Variants in TAS2R8 observed in about 807,000 individuals in gnomAD.
TAS2R8 encodes the protein taste receptor type 2 member 8.
For missense variants in TAS2R8, 396 were observed against 358.1 expected (o/e 1.11, Z -0.85); for synonymous variants, 139 against 123.9 (o/e 1.12, Z -0.81).
rs1247445803 is a variant in TAS2R8 at position 10,806,356 on chromosome 12, A to G, written c.625T>C (p.Trp209Arg). ...ISFFLLVRSL[W>R]RHTKQIKLYA... ...AGTTTTATTTGCTTGGTATGTCTCC[A>G]TAAAGATCTTACTAAAAGGAAAAAT... The change falls in exon 1 of 1, where the codon TGG (tryptophan) becomes CGG (arginine). Residue 209 changes from tryptophan to arginine, a missense_variant. Transcript: ENST00000240615. The G allele has an allele frequency of 6.2e-7, 1 of 1,613,808 alleles. No individual in the cohort carries two copies. Among genetic ancestry groups the G allele is most frequent in the Non-Finnish European group, 8.5e-7 (1 of 1,179,912 alleles).
chr12:10,807,266 C>T lies in TAS2R8; in HGVS notation c.-286G>A. On this transcript the variant is annotated 5_prime_UTR_variant, in exon 1 of 1. Coordinates refer to ENST00000240615, the MANE Select transcript of TAS2R8 (RefSeq NM_023918.3). ...AGTGAGTGATACCTGAAATGTTTGG[C>T]TGAAATTGCTCCCATGCAAATTCAA... is the stretch of plus-strand genomic sequence containing the variant. The T allele has an allele frequency of 3.3e-6, 1 of 298,770 alleles. No individual in the cohort carries two copies. The highest frequency in any genetic ancestry group is 4.7e-5 in the Admixed American group (1 of 21,204). The allele number at this position is 298,770 out of a possible 1,614,324, so 18.5% of individuals were successfully genotyped here.
At position 10,806,051 on chromosome 12, in the gene TAS2R8, T is replaced by C. The variant is rs754737046; in HGVS notation, c.930A>G (p.Ter310TrpextTer?). 1.8e-5 allele frequency: 28 copies of C among 1,583,236 alleles called. No homozygotes were observed. The East Asian group carries it at 2.0e-4, about 11-fold the overall frequency. Residue 310 changes from the stop codon to tryptophan, a stop_lost, in exon 1 of 1, where the codon TGA (stop) becomes TGG (tryptophan). Coordinates refer to ENST00000240615, the MANE Select transcript of TAS2R8 (RefSeq NM_023918.3). ...AAATTCCATTTATACAGCTAAGATT[T>C]CATATCATGCAGGCAATTTTTCTAC... is the stretch of plus-strand genomic sequence containing the variant. ...LTCRKIACMI[*>W] is the part of the protein sequence containing the mutation.
chr12:10,806,398 T>A lies in TAS2R8; in HGVS notation c.583A>T (p.Ile195Phe). ...AGGAAAAATGATATCAGTGACACAA[T>A]AAATGGGACAATTGCAAACAGGTTA... ...LFNLFAIVPF[I>F]VSLISFFLLV... The change falls in exon 1 of 1, where the codon ATT becomes TTT. Residue 195 changes from isoleucine (I) to phenylalanine (F), a missense_variant. By Grantham distance (21) the Ile-to-Phe change is conservative. Coordinates refer to ENST00000240615, the MANE Select transcript of TAS2R8 (RefSeq NM_023918.3). 6.2e-7 allele frequency: 1 copy of A among 1,613,792 alleles called. No individual in the cohort carries two copies. Among genetic ancestry groups the A allele is most frequent in the Non-Finnish European group, 8.5e-7 (1 of 1,179,886 alleles).
chr12:10,807,142 C>G lies in TAS2R8; in HGVS notation c.-162G>C, dbSNP rs535935816. 1.6e-6 allele frequency: 1 copy of G among 629,234 alleles called. No individual in the cohort carries two copies. Among genetic ancestry groups the G allele is most frequent in the Non-Finnish European group, 2.7e-6 (1 of 374,460 alleles). The allele number at this position is 629,234 out of a possible 1,614,324, so 39.0% of individuals were successfully genotyped here. On this transcript the variant is annotated 5_prime_UTR_variant, in exon 1 of 1. Transcript: ENST00000240615. ...TCTTCCGGAAGTGTTCAGCTCTCCT[C>G]TGAAATAGGATTGTCTCTACACTCC... is the stretch of plus-strand genomic sequence containing the variant.
Position 10,806,105 on chromosome 12 carries a change from C to T in TAS2R8, c.876G>A (p.Leu292=). 6.2e-7 allele frequency: 1 copy of T among 1,609,628 alleles called. No homozygotes were observed. The highest frequency in any genetic ancestry group is 1.1e-5 in the South Asian group (1 of 89,684). The change falls in exon 1 of 1, where the codon CTG becomes CTA. Residue 292 remains leucine (L), a synonymous_variant. Coordinates refer to ENST00000240615, the MANE Select transcript of TAS2R8 (RefSeq NM_023918.3). ...SLILIVLNNK[L]RQTFVRMLTC... ...TCAGCATTCTGACAAATGTCTGCCT[C>T]AGTTTATTATTTAAAACAATTAAAA...
rs1228297458 is a variant in TAS2R8, at chr12:10,806,576, C to T, written c.405G>A (p.Leu135=). ...CCAACAAGGAAATGGCAAAGCATCC[C>T]AGCAGGATCCAGTGCACCACCATAT... ...KIDMVVHWIL[L]GCFAISLLVS... is the part of the protein sequence containing the mutation. Residue 135 remains leucine, a synonymous_variant, in exon 1 of 1, where the codon CTG becomes CTA. Transcript: ENST00000240615. The T allele has an allele frequency of 1.2e-6, 2 of 1,613,848 alleles. No individual in the cohort carries two copies. Among genetic ancestry groups the T allele is most frequent in the African/African-American group, 2.7e-5 (2 of 75,028 alleles).
rs1948727602 is a variant in TAS2R8 at position 10,806,692 on chromosome 12, T to C, written c.289A>G (p.Met97Val). 1 of 1,613,962 alleles carries C rather than the reference T, an allele frequency of 6.2e-7. No homozygotes were observed. The highest frequency in any genetic ancestry group is 2.2e-5 in the East Asian group (1 of 44,864). ...TFWTFANYLN[M>V]WITTCLNVFY... is the part of the protein sequence containing the mutation. The stretch of plus-strand genomic sequence containing the variant: ...ACATTAAGGCAGGTGGTAATCCACA[T>C]ATTTAAGTAGTTGGCAAATGTCCAG... Residue 97 changes from methionine to valine, a missense_variant, in exon 1 of 1, where the codon ATG (methionine) becomes GTG (valine). Transcript: ENST00000240615.
Position 10,806,970 on chromosome 12 carries a change from G to C in TAS2R8, c.11C>G (p.Pro4Arg). Residue 4 changes from proline (P) to arginine (R), a missense_variant, in exon 1 of 1, where the codon CCT (proline) becomes CGT (arginine). Transcript: ENST00000240615. MFS[P>R]ADNIFIILIT... ...TAGGATTATAAAGATGTTATCTGCA[G>C]GACTGAACATGTTTGTAGAGAGAAC... is the stretch of plus-strand genomic sequence containing the variant. 6.2e-7 allele frequency: 1 copy of C among 1,601,754 alleles called. No individual in the cohort carries two copies. The highest frequency in any genetic ancestry group is 1.7e-5 in the Admixed American group (1 of 58,928).
At position 10,806,216 on chromosome 12, in the gene TAS2R8, G is replaced by C. The variant is rs138065845; in HGVS notation, c.765C>G (p.Thr255=). The C allele has an allele frequency of 5.2e-4, 833 of 1,613,278 alleles. 1 individual carries two copies. The African/African-American group carries it at 9.8e-3, about 19-fold the overall frequency. ...FLYYISSILM[T]FSYLMTKYKL... ...TGTATTTTGTCATAAGATAGCTAAA[G>C]GTCATCAAAATAGAAGAAATATAGT... is the stretch of plus-strand genomic sequence containing the variant. Residue 255 remains threonine (T), a synonymous_variant, in exon 1 of 1, where the codon ACC becomes ACG. Coordinates refer to ENST00000240615, the MANE Select transcript of TAS2R8 (RefSeq NM_023918.3).
At chr12:10,806,473 CAGTA>C in the TAS2R8 span, 1 of 1,613,740 alleles carries the variant, frequency 6.2e-7, no homozygotes, top group South Asian at 1.1e-5. Context: ...TGGAACATTT[CAGTA>C]ATGTTTCTTT....
Position 10,806,386 on chromosome 12 carries a change from T to C in TAS2R8, c.595A>G (p.Ile199Val). 1.2e-6 allele frequency: 2 copies of C among 1,613,840 alleles called. No homozygotes were observed. The highest frequency in any genetic ancestry group is 1.7e-6 in the Non-Finnish European group (2 of 1,179,910). The change falls in exon 1 of 1, where the codon ATA (isoleucine) becomes GTA (valine). Residue 199 changes from isoleucine (I) to valine (V), a missense_variant. Physicochemically the swap from Ile to Val is conservative, Grantham distance 29. Coordinates refer to ENST00000240615, the MANE Select transcript of TAS2R8 (RefSeq NM_023918.3). ...FAIVPFIVSLISFFLLVRSLW... is the reference protein window; with the variant it reads ...FAIVPFIVSLVSFFLLVRSLW... ...GATCTTACTAAAAGGAAAAATGATA[T>C]CAGTGACACAATAAATGGGACAATT... is the stretch of plus-strand genomic sequence containing the variant.
rs768393048 is a variant in TAS2R8 at position 10,806,442 on chromosome 12, A to G, written c.539T>C (p.Phe180Ser). 2 of 1,613,812 alleles carry G rather than the reference A, an allele frequency of 1.2e-6. No homozygotes were observed. Among genetic ancestry groups the G allele is most frequent in the Non-Finnish European group, 8.5e-7 (1 of 1,179,862 alleles). The change falls in exon 1 of 1, where the codon TTT (phenylalanine) becomes TCT (serine). Residue 180 changes from phenylalanine (F) to serine (S), a missense_variant. By Grantham distance (155) the Phe-to-Ser change is radical (BLOSUM62 -2). Transcript: ENST00000240615. ...CAGGTTAAAGAGAGTCAAGGGTTCA[A>G]AGTATGGTATTTTACTCACATGGAA... ...EMFHVSKIPY[F>S]EPLTLFNLFA...
rs1948720224 is a variant in TAS2R8 at position 10,806,099 on chromosome 12, C to G, written c.882G>C (p.Gln294His). 6.2e-7 allele frequency: 1 copy of G among 1,608,246 alleles called. No individual in the cohort carries two copies. Among genetic ancestry groups the G allele is most frequent in the African/African-American group, 1.3e-5 (1 of 74,622 alleles). Residue 294 changes from glutamine (Q) to histidine (H), a missense_variant, in exon 1 of 1, where the codon CAG (glutamine) becomes CAC (histidine). Physicochemically the swap from Gln to His is conservative, Grantham distance 24. Transcript: ENST00000240615. ...TACATGTCAGCATTCTGACAAATGT[C>G]TGCCTCAGTTTATTATTTAAAACAA... is the stretch of plus-strand genomic sequence containing the variant. ...ILIVLNNKLR[Q>H]TFVRMLTCRK...
Position 10,806,275 on chromosome 12 carries a change from T to C in TAS2R8, c.706A>G (p.Thr236Ala). The stretch of plus-strand genomic sequence containing the variant: ...AAAAAGAAGATAAATGAAGTCATAG[T>C]TTTAATGGCTCTCACATGAACTTCT... ...STEVHVRAIKTMTSFIFFFFL... is the reference protein window; with the variant it reads ...STEVHVRAIKAMTSFIFFFFL... The change falls in exon 1 of 1, where the codon ACT becomes GCT. Residue 236 changes from threonine to alanine, a missense_variant. Transcript: ENST00000240615. 1 of 1,613,592 alleles carries C rather than the reference T, an allele frequency of 6.2e-7. No homozygotes were observed. The highest frequency in any genetic ancestry group is 8.5e-7 in the Non-Finnish European group (1 of 1,179,842).
In TAS2R8 at chr12:10,806,284, C is replaced by T. The variant is rs752348154; in HGVS notation, c.697G>A (p.Ala233Thr). ...ATAAATGAAGTCATAGTTTTAATGG[C>T]TCTCACATGAACTTCTGTGCTGGGG... ...RDPSTEVHVRAIKTMTSFIFF... is the reference protein window; with the variant it reads ...RDPSTEVHVRTIKTMTSFIFF... The change falls in exon 1 of 1, where the codon GCC becomes ACC. Residue 233 changes from alanine to threonine, a missense_variant. By Grantham distance (58) the Ala-to-Thr change is moderately conservative. Transcript: ENST00000240615. 4.3e-6 allele frequency: 7 copies of T among 1,613,628 alleles called. No homozygotes were observed. The highest frequency in any genetic ancestry group is 5.9e-6 in the Non-Finnish European group (7 of 1,179,846).
At position 10,806,786 on chromosome 12, in the gene TAS2R8, A is replaced by G. The variant is rs1471532890; in HGVS notation, c.195T>C (p.Asn65=). ...CTGGGTTCAGTACTATTACAATGCCATTTACAACCATTACACTGATCAAAC... is the reference window on the plus strand; with the variant it reads ...CTGGGTTCAGTACTATTACAATGCCGTTTACAACCATTACACTGATCAAAC... ...RICLISVMVV[N]GIVIVLNPDV... The change falls in exon 1 of 1, where the codon AAT becomes AAC. Residue 65 remains asparagine (N), a synonymous_variant. Coordinates refer to ENST00000240615, the MANE Select transcript of TAS2R8 (RefSeq NM_023918.3). The G allele has an allele frequency of 1.6e-5, 26 of 1,613,824 alleles. No individual in the cohort carries two copies. The highest frequency in any genetic ancestry group is 2.0e-5 in the Non-Finnish European group (24 of 1,179,918).
rs1269444652 is a variant in TAS2R8 at position 10,806,342 on chromosome 12, C to T, written c.639G>A (p.Lys213=). 1.2e-6 allele frequency: 2 copies of T among 1,613,574 alleles called. No individual in the cohort carries two copies. The highest frequency in any genetic ancestry group is 1.7e-6 in the Non-Finnish European group (2 of 1,179,898). Residue 213 remains lysine, a synonymous_variant, in exon 1 of 1, where the codon AAG becomes AAA. Transcript: ENST00000240615. The part of the protein sequence containing the change: ...LLVRSLWRHT[K]QIKLYATGSR... ...TGCCGGTAGCATAGAGTTTTATTTG[C>T]TTGGTATGTCTCCATAAAGATCTTA...
chr12:10,806,528 T>C lies in TAS2R8; in HGVS notation c.453A>G (p.Val151=), dbSNP rs774062333. Residue 151 remains valine (V), a synonymous_variant, in exon 1 of 1, where the codon GTA becomes GTG. Transcript: ENST00000240615. The part of the protein sequence containing the change: ...SLLVSLIAAI[V]LSCDYRFHAI... ...CATGAAACCTATAATCACAACTCAG[T>C]ACTATTGCTGCTATAAGGCTGACCA... is the stretch of plus-strand genomic sequence containing the variant. 6.2e-7 allele frequency: 1 copy of C among 1,613,894 alleles called. No homozygotes were observed. Among genetic ancestry groups the C allele is most frequent in the Non-Finnish European group, 8.5e-7 (1 of 1,179,930 alleles).
chr12:10,806,452 T>C lies in TAS2R8; in HGVS notation c.529A>G (p.Ile177Val), dbSNP rs201761703. 2.6e-4 allele frequency: 419 copies of C among 1,613,544 alleles called. 1 individual carries two copies. Among genetic ancestry groups the C allele is most frequent in the Non-Finnish European group, 3.4e-4 (399 of 1,179,748 alleles). ...NITEMFHVSK[I>V]PYFEPLTLFN... ...AGAGTCAAGGGTTCAAAGTATGGTA[T>C]TTTACTCACATGGAACATTTCAGTA... is the stretch of plus-strand genomic sequence containing the variant. The change falls in exon 1 of 1, where the codon ATA (isoleucine) becomes GTA (valine). Residue 177 changes from isoleucine (I) to valine (V), a missense_variant. By Grantham distance (29) the Ile-to-Val change is conservative. Transcript: ENST00000240615.
Sources: allele counts gnomAD v4.1 joint callset, GRCh38; gene constraint gnomAD v4.1.1; transcripts MANE v1.5; gene names NCBI Gene and HGNC (gene_info 2026-07-23, HGNC 2026-07-21).